TUSC3: variants seen among roughly 807,000 people sequenced by gnomAD.
The protein encoded by TUSC3 is dolichyl-diphosphooligosaccharide--protein glycosyltransferase subunit TUSC3.
TUSC3 carries 45 observed loss-of-function variants against 44.8 expected under a neutral mutation model. The ratio of observed to expected loss-of-function variants is 1.00; its 90% CI spans 0.79 to 1.29. TUSC3 has a LOEUF of 1.29. Ranked by LOEUF, TUSC3 falls within the 50% of genes most tolerant of loss-of-function variation. The pLI, the probability that TUSC3 is intolerant of heterozygous loss-of-function variation, is 0.00. For synonymous variants in TUSC3, 212 were observed against 152.9 expected, an observed-to-expected ratio of 1.39 and a Z score of -2.85; for missense variants, 519 against 437.9, an observed-to-expected ratio of 1.19 and a Z score of -1.65.
intron 6 of TUSC3, among the ~76,000 whole-genome samples, chr8:15,709,694 A>G (rs563972777): frequency 1.7e-4 from 26 of 151,990 alleles, no homozygotes; most frequent in Admixed American, 1.1e-3. Flanking sequence ...TTTAGTCCTT[A>G]TAGTATCCTT....
chr8:15,767,779 T>C (rs146336770), downstream of TUSC3, among the ~76,000 whole-genome samples: 39 of 152,292 alleles, frequency 2.6e-4, no homozygotes, highest in African/African-American at 8.7e-4. Context: ...GTGCTGAGAA[T>C]GGTTTCTTGA....
chr8:15,649,532 C>CG (rs1288847602), intron 2 of TUSC3, among the ~76,000 whole-genome samples: 1 of 150,752 alleles, frequency 6.6e-6, no homozygotes, highest in Non-Finnish European at 1.5e-5. Context: ...TGCAGTGAGC[C>CG]GAGATCGCGC....
At chr8:15,665,351 A>G (rs1031228778) in intron 5 of TUSC3, among the ~76,000 whole-genome samples, 1 of 151,606 alleles carries the variant, frequency 6.6e-6, no homozygotes, top group African/African-American at 2.4e-5. Context: ...GGACAAGTCT[A>G]GGTACAATTA....
chr8:15,500,990 G>A (rs58764211), intron 2 of TUSC3, among the ~76,000 whole-genome samples: 38,089 of 152,026 alleles, frequency 0.25, 5,564 homozygotes, highest in Admixed American at 0.41. Context: ...AACTCTTTCT[G>A]TATAGCTATA....
At chr8:15,760,402 C>A (rs919232676) in intron 10 of TUSC3, among the ~76,000 whole-genome samples, 3 of 152,112 alleles carry the variant, frequency 2.0e-5, no homozygotes, top group Non-Finnish European at 4.4e-5. Context: ...TGATTTTACA[C>A]CTATGTAGTA....
At chr8:15,736,236 CA>C (rs1397023193) in intron 7 of TUSC3, among the ~76,000 whole-genome samples, 1 of 152,086 alleles carries the variant, frequency 6.6e-6, no homozygotes, top group Non-Finnish European at 1.5e-5. Context: ...AGACACACAA[CA>C]AATGACAGTG....
intron 8 of TUSC3, among the ~76,000 whole-genome samples, chr8:15,744,562 G>T (rs1196010978): frequency 6.6e-6 from 1 of 151,900 alleles, no homozygotes; most frequent in Non-Finnish European, 1.5e-5. Flanking sequence ...TTTTAGCTAG[G>T]GTGACATGTG....
chr8:15,451,995 G>A (rs1172138721), intron 1 of TUSC3, among the ~76,000 whole-genome samples: 1 of 152,110 alleles, frequency 6.6e-6, no homozygotes, highest in Non-Finnish European at 1.5e-5. Context: ...GCAGCCAAAA[G>A]AGTGATGATG....
At chr8:15,556,349 C>T (rs1802264809) in intron 1 of TUSC3, among the ~76,000 whole-genome samples, 1 of 150,660 alleles carries the variant, frequency 6.6e-6, no homozygotes, top group South Asian at 2.1e-4. Flanking sequence ...TTTTTTATGG[C>T]TGCATAGTAT....
At chr8:15,744,203 AG>A (rs1399918500) in intron 8 of TUSC3, among the ~76,000 whole-genome samples, 3 of 152,186 alleles carry the variant, frequency 2.0e-5, no homozygotes, top group Non-Finnish European at 4.4e-5. Flanking sequence ...TATGTTTTTA[AG>A]CAAGTTAATT....
At chr8:15,595,474 A>C (rs1406560764) in intron 1 of TUSC3, among the ~76,000 whole-genome samples, 1 of 152,104 alleles carries the variant, frequency 6.6e-6, no homozygotes, top group East Asian at 1.9e-4. Context: ...GGTGGAACAG[A>C]CATAGGGCTC....
chr8:15,605,651 G>T (rs561666847), intron 1 of TUSC3, among the ~76,000 whole-genome samples: 2 of 151,792 alleles, frequency 1.3e-5, no homozygotes, highest in Non-Finnish European at 2.9e-5. Flanking sequence ...GGCATAAAAT[G>T]TATATACATA....
chr8:15,727,037 A>C (rs1056378073), intron 6 of TUSC3, among the ~76,000 whole-genome samples: 2 of 152,156 alleles, frequency 1.3e-5, no homozygotes, highest in Non-Finnish European at 2.9e-5. Context: ...TCCCTCACTC[A>C]TGAGAATTAG....
At chr8:15,780,573 C>G in the TUSC3 span, among the ~76,000 whole-genome samples, 2 of 152,224 alleles carry the variant, frequency 1.3e-5, no homozygotes, top group South Asian at 4.1e-4. Context: ...GCATACTCTG[C>G]CGCCTGTTGC....
chr8:15,686,273 AG>A (rs1249866157), intron 6 of TUSC3, among the ~76,000 whole-genome samples: 1 of 152,190 alleles, frequency 6.6e-6, no homozygotes, highest in Non-Finnish European at 1.5e-5. Flanking sequence ...GCTTATGCGT[AG>A]GCTGTAACTC....
intron 1 of TUSC3, among the ~76,000 whole-genome samples, chr8:15,470,654 C>G (rs1212152070): frequency 6.6e-6 from 1 of 152,070 alleles, no homozygotes; most frequent in Non-Finnish European, 1.5e-5. Context: ...CAAATAAATT[C>G]CTTCCATTCA....
chr8:15,541,572 C>G (rs983849879), intron 1 of TUSC3, among the ~76,000 whole-genome samples: 2 of 152,136 alleles, frequency 1.3e-5, no homozygotes, highest in Non-Finnish European at 2.9e-5. Flanking sequence ...GTTTCCCTTT[C>G]TCTTTATTCT....
Position 15,764,298 on chromosome 8 carries a change from C to G in TUSC3, c.*142C>G. 2.1e-6 allele frequency: 3 copies of G among 1,445,490 alleles called. No individual in the cohort carries two copies. Among genetic ancestry groups the G allele is most frequent in the South Asian group, 1.2e-5 (1 of 84,628 alleles). The allele number at this position is 1,445,490 out of a possible 1,614,324, so 89.5% of individuals were successfully genotyped here. On this transcript the variant is annotated 3_prime_UTR_variant, in exon 11 of 11. Transcript: ENST00000503731. The stretch of plus-strand genomic sequence containing the variant: ...GACTTTATACTATTTTGAATTCATT[C>G]ATTTCATTGTGATCAGCTAGCTTAT...
At chr8:15,582,667 A>T (rs1323340577) in intron 1 of TUSC3, among the ~76,000 whole-genome samples, 2 of 152,220 alleles carry the variant, frequency 1.3e-5, no homozygotes, top group Non-Finnish European at 2.9e-5. Context: ...TGGTCACATG[A>T]CATTGCTCTG....
Sources: gnomAD v4.1 joint callset for allele counts (sites outside exome capture counted in the v4.1 genomes callset) on GRCh38, gnomAD v4.1.1 for gene constraint, MANE v1.5 for transcripts, NCBI Gene and HGNC (gene_info 2026-07-23, HGNC 2026-07-21) for gene names.